Variants in ANKS1A observed in about 807,000 individuals in gnomAD.
The protein encoded by ANKS1A is ankyrin repeat and SAM domain-containing protein 1A.
Under a neutral mutation model 120.3 loss-of-function variants are expected in ANKS1A, and 55 were observed. The observed-to-expected ratio is 0.46, with a 90% CI of 0.37 to 0.57. The LOEUF is 0.57. ANKS1A is among the 20% of genes least tolerant of loss of function. The probability of loss-of-function intolerance (pLI) is 0.00; values close to 1 mark genes in which losing one functional copy is unlikely to be tolerated. For missense variants in ANKS1A, 1,123 were observed against 1,480.3 expected (o/e 0.76, Z 3.96); for synonymous variants, 590 against 604.7 (o/e 0.98, Z 0.36).
At chr6:35,023,700 C>T (rs373871219) in intron 11 of ANKS1A, 6 of 357,488 alleles carry the variant, frequency 1.7e-5, no homozygotes, top group East Asian at 1.6e-4. Context: ...TAGAGAGATT[C>T]GACCAATTAG....
At chr6:34,924,742 C>A (rs1311035901) in intron 1 of ANKS1A, among the ~76,000 whole-genome samples, 1 of 152,132 alleles carries the variant, frequency 6.6e-6, no homozygotes, top group Non-Finnish European at 1.5e-5. Context: ...TTCAAGATTC[C>A]TGATTTCAGG....
intron 11 of ANKS1A, among the ~76,000 whole-genome samples, chr6:35,036,235 C>A (rs576088713): frequency 2.6e-5 from 4 of 152,322 alleles, no homozygotes; most frequent in Middle Eastern, 3.4e-3. Flanking sequence ...AGGACTGCTG[C>A]CAGGGCTTCA....
chr6:35,053,331 A>C (rs756878394), intron 11 of ANKS1A, among the ~76,000 whole-genome samples: 1 of 152,228 alleles, frequency 6.6e-6, no homozygotes, highest in Non-Finnish European at 1.5e-5. Flanking sequence ...TCTGGCCCAT[A>C]GTGGCCAAGG....
rs1197162112 is a variant in ANKS1A at position 34,978,383 on chromosome 6, A to G, written c.436-3307A>G. On this transcript the variant is annotated intron_variant, in intron 3 of 23. Transcript: ENST00000360359. ...AGTAATAGGATTTTGGAAACTCTGGAGGTATTGTGAACACCTGTAGTGAGA... is the reference window on the plus strand; with the variant it reads ...AGTAATAGGATTTTGGAAACTCTGGGGGTATTGTGAACACCTGTAGTGAGA... Among the ~76,000 whole-genome samples, 4 of 152,146 alleles carry G rather than the reference A, an allele frequency of 2.6e-5. No homozygotes were observed. In the East Asian group the frequency reaches 7.7e-4, roughly 29 times the overall value.
In ANKS1A at chr6:35,090,291, T is replaced by C; in HGVS notation, c.*1682T>C. The C allele has an allele frequency of 7.8e-7, 1 of 1,289,680 alleles. No individual in the cohort carries two copies. The highest frequency in any genetic ancestry group is 5.6e-5 in the East Asian group (1 of 18,012). 79.9% of individuals were successfully genotyped at this position (1,289,680 alleles called of 1,614,324 possible). A position where few individuals can be genotyped will look rare whatever the true frequency, so the allele number is the denominator to read the frequency against. On this transcript the variant is annotated 3_prime_UTR_variant, in exon 24 of 24. Coordinates refer to ENST00000360359, the MANE Select transcript of ANKS1A (RefSeq NM_015245.3). ...CTCGGCCCCGGCTTTCTTCCAAGAG[T>C]TGACCAGGAACCCTAAAGCATCCAG... is the stretch of plus-strand genomic sequence containing the variant.
intron 1 of ANKS1A, among the ~76,000 whole-genome samples, chr6:34,905,011 A>C (rs532893427): frequency 6.6e-6 from 1 of 152,306 alleles, no homozygotes; most frequent in East Asian, 1.9e-4. Flanking sequence ...GGGTTTCGCC[A>C]TGTTGGCCAG....
rs1049106547 is a variant in ANKS1A at position 34,963,691 on chromosome 6, C to T, written c.198-3548C>T. ...ATATTTTTAATTTTCTGAGGAACTTCATACTGTTTTCTGTAAATGGCTGTA... is the reference window on the plus strand; with the variant it reads ...ATATTTTTAATTTTCTGAGGAACTTTATACTGTTTTCTGTAAATGGCTGTA... On this transcript the variant is annotated intron_variant, in intron 1 of 23. Coordinates refer to ENST00000360359, the MANE Select transcript of ANKS1A (RefSeq NM_015245.3). Among the ~76,000 whole-genome samples the T allele has an allele frequency of 3.3e-5, 5 of 152,324 alleles. No individual in the cohort carries two copies. The East Asian group carries it at 9.6e-4, about 29-fold the overall frequency.
intron 13 of ANKS1A, among the ~76,000 whole-genome samples, chr6:35,073,635 C>T (rs1161168102): frequency 6.6e-6 from 1 of 152,220 alleles, no homozygotes; most frequent in Non-Finnish European, 1.5e-5. Context: ...CTGAGACAAT[C>T]CCTGTTAACT....
At chr6:34,950,958 T>A (rs1180090981) in intron 1 of ANKS1A, among the ~76,000 whole-genome samples, 1 of 152,236 alleles carries the variant, frequency 6.6e-6, no homozygotes, top group Non-Finnish European at 1.5e-5. Context: ...TCTTTGCCAG[T>A]GTGTGTTTTA....
chr6:35,071,768 A>C (rs1482871874), intron 13 of ANKS1A, among the ~76,000 whole-genome samples: 5 of 152,220 alleles, frequency 3.3e-5, no homozygotes, highest in African/African-American at 1.2e-4. Flanking sequence ...AGATCCGTTA[A>C]AGTCAAAGCA....
chr6:35,050,626 C>G lies in ANKS1A; in HGVS notation c.2011-3473C>G, dbSNP rs372780777. Among the ~76,000 whole-genome samples, 1 of 151,084 alleles carries G rather than the reference C, an allele frequency of 6.6e-6. No homozygotes were observed. The highest frequency in any genetic ancestry group is 2.4e-5 in the African/African-American group (1 of 41,014). ...AGATTGAAATGATCTTATTTCCTCT[C>G]TGCTGGTTCTGGGCATGAGGGTGAG... is the stretch of plus-strand genomic sequence containing the variant. On this transcript the variant is annotated intron_variant, in intron 11 of 23. Coordinates refer to ENST00000360359, the MANE Select transcript of ANKS1A (RefSeq NM_015245.3). The surrounding 1 kb of genome is among the most constrained non-coding windows in gnomAD (Gnocchi z 4.3).
chr6:34,898,859 A>T (rs969098335), intron 1 of ANKS1A, among the ~76,000 whole-genome samples: 5 of 152,168 alleles, frequency 3.3e-5, no homozygotes, highest in Admixed American at 2.0e-4. Context: ...TATCCGTGGT[A>T]TATATGAATT....
chr6:35,048,354 C>G (rs1041313068), intron 11 of ANKS1A, among the ~76,000 whole-genome samples: 9 of 152,136 alleles, frequency 5.9e-5, no homozygotes, highest in Admixed American at 5.9e-4. Context: ...AGACTGAGCC[C>G]GCTCTGTGGA....
At chr6:35,059,497 G>A (rs374489296) in intron 12 of ANKS1A, among the ~76,000 whole-genome samples, 26 of 152,342 alleles carry the variant, frequency 1.7e-4, no homozygotes, top group African/African-American at 2.9e-4. Context: ...TCCCCCTGCC[G>A]TGTTCTGTGC....
intron 1 of ANKS1A, among the ~76,000 whole-genome samples, chr6:34,932,991 T>G (rs770927086): frequency 6.6e-6 from 1 of 152,252 alleles, no homozygotes; most frequent in Non-Finnish European, 1.5e-5. Context: ...ATATACTCAC[T>G]GACATTTGTT....
chr6:34,995,452 C>A (rs1357399152), intron 10 of ANKS1A, among the ~76,000 whole-genome samples: 2 of 151,900 alleles, frequency 1.3e-5, no homozygotes, highest in Non-Finnish European at 2.9e-5. Context: ...TAAAATTTAT[C>A]CTTTTTGGTG....
chr6:35,042,629 T>C (rs1436872165), intron 11 of ANKS1A, among the ~76,000 whole-genome samples: 1 of 152,182 alleles, frequency 6.6e-6, no homozygotes, highest in Non-Finnish European at 1.5e-5. Context: ...CTGCCTCTGC[T>C]GCAAGAATTC....
chr6:34,961,406 C>G (rs963244164), intron 1 of ANKS1A, among the ~76,000 whole-genome samples: 3 of 152,200 alleles, frequency 2.0e-5, no homozygotes, highest in Non-Finnish European at 2.9e-5. Flanking sequence ...AATGTGTTCC[C>G]CAGTCCCCAA....
intron 13 of ANKS1A, among the ~76,000 whole-genome samples, chr6:35,072,023 C>T (rs1023986096): frequency 1.3e-5 from 2 of 152,280 alleles, no homozygotes; most frequent in African/African-American, 4.8e-5. Flanking sequence ...CCAAACAGTC[C>T]CCTTCCTGGG....
Sources: gnomAD v4.1 joint callset for allele counts (sites outside exome capture counted in the v4.1 genomes callset) on GRCh38, gnomAD v4.1.1 for gene constraint, Gnocchi (gnomAD v3.1) non-coding constraint, MANE v1.5 for transcripts, NCBI Gene and HGNC (gene_info 2026-07-23, HGNC 2026-07-21) for gene names.